CSMD1: variants seen among roughly 807,000 people sequenced by gnomAD.
CSMD1 encodes the protein CUB and Sushi multiple domains 1.
In CSMD1, 213 loss-of-function variants were observed where a neutral mutation model predicts 417.5. That is an observed-to-expected ratio of 0.51 (90% confidence interval 0.46 to 0.57). The LOEUF (loss-of-function observed/expected upper bound fraction) is 0.57. Among genes scored for constraint, CSMD1 ranks in the 20% least tolerant of loss-of-function variants. The pLI, the probability that CSMD1 is intolerant of heterozygous loss-of-function variation, is 0.00. For synonymous variants in CSMD1, 2,862 were observed against 1,736.8 expected (o/e 1.65, Z -16.11); for missense variants, 6,923 against 4,529.7 (o/e 1.53, Z -15.17).
At chr8:4,327,626 A>G (rs1490446416) in intron 3 of CSMD1, among the ~76,000 whole-genome samples, 1 of 152,200 alleles carries the variant, frequency 6.6e-6, no homozygotes, top group African/African-American at 2.4e-5. Context: ...AAAGCCCCCA[A>G]AAACAACAAC....
At chr8:3,187,552 T>G (rs73183572) in intron 36 of CSMD1, among the ~76,000 whole-genome samples, 1 of 152,016 alleles carries the variant, frequency 6.6e-6, no homozygotes, top group Non-Finnish European at 1.5e-5. Context: ...TGAGAACCGT[T>G]TCCTAACCTC....
chr8:2,979,017 T>A (rs1805179764), intron 54 of CSMD1, among the ~76,000 whole-genome samples: 1 of 152,240 alleles, frequency 6.6e-6, no homozygotes, highest in African/African-American at 2.4e-5. Context: ...GATAGCAATT[T>A]TCACGTGAGG....
At chr8:4,853,558 G>A (rs532571156) in intron 1 of CSMD1, among the ~76,000 whole-genome samples, 5 of 152,356 alleles carry the variant, frequency 3.3e-5, no homozygotes, top group Admixed American at 2.6e-4. Context: ...TCAGGCAGAA[G>A]GCTGCCACAA....
intron 1 of CSMD1, among the ~76,000 whole-genome samples, chr8:4,806,925 G>T (rs1798622853): frequency 6.6e-6 from 1 of 152,116 alleles, no homozygotes; most frequent in East Asian, 1.9e-4. Context: ...ATGCATGCCT[G>T]CGCTCTTAAG....
intron 2 of CSMD1, among the ~76,000 whole-genome samples, chr8:4,464,149 T>C (rs778719731): frequency 5.5e-4 from 59 of 106,680 alleles, no homozygotes; most frequent in Admixed American, 9.3e-4. Flanking sequence ...TCCCTCCAGC[T>C]GGAATTCTAC....
At chr8:4,136,400 C>A (rs974743467) in intron 3 of CSMD1, among the ~76,000 whole-genome samples, 27 of 152,160 alleles carry the variant, frequency 1.8e-4, no homozygotes, top group Non-Finnish European at 2.9e-5. Flanking sequence ...CTGGAGGGTC[C>A]CTTGAAATAA....
intron 5 of CSMD1, among the ~76,000 whole-genome samples, chr8:3,788,581 C>T (rs1426459887): frequency 1.3e-5 from 2 of 152,188 alleles, no homozygotes; most frequent in African/African-American, 4.8e-5. Flanking sequence ...TGCATTAAAT[C>T]TTACCAAAGG....
intron 20 of CSMD1, 71 bp downstream of exon 20, chr8:3,366,961 C>T (rs950464984): frequency 2.5e-6 from 3 of 1,183,052 alleles, no homozygotes; most frequent in Non-Finnish European, 3.7e-6. Context: ...CACACACCCA[C>T]ACACATTCTC....
At chr8:3,895,298 A>G (rs1807284648) in intron 5 of CSMD1, among the ~76,000 whole-genome samples, 1 of 152,146 alleles carries the variant, frequency 6.6e-6, no homozygotes, top group Admixed American at 6.5e-5. Flanking sequence ...TGTAAAGTAA[A>G]CCTATCTATG....
chr8:3,801,291 T>C (rs1283924882), intron 5 of CSMD1, among the ~76,000 whole-genome samples: 3 of 151,950 alleles, frequency 2.0e-5, no homozygotes, highest in Admixed American at 6.6e-5. Context: ...AATTAAAAAT[T>C]GGGAAAAAGA....
At chr8:3,695,308 G>A (rs1279872264) in intron 7 of CSMD1, among the ~76,000 whole-genome samples, 8 of 151,934 alleles carry the variant, frequency 5.3e-5, no homozygotes, top group Admixed American at 2.6e-4. Context: ...GCAAGCTAAT[G>A]CCCTTTACCA....
chr8:3,175,475 C>CCCTTTCCTT (rs1554451315), intron 37 of CSMD1, among the ~76,000 whole-genome samples: 3 of 132,470 alleles, frequency 2.3e-5, no homozygotes, highest in Admixed American at 7.8e-5. Flanking sequence ...TCCTTCTTTT[C>CCCTTTCCTT]CCTTCCTTCC....
chr8:4,760,007 G>T (rs561239419), intron 1 of CSMD1, among the ~76,000 whole-genome samples: 1 of 152,280 alleles, frequency 6.6e-6, no homozygotes, highest in South Asian at 2.1e-4. Flanking sequence ...CACAATGGTT[G>T]AACTAATTTA....
intron 2 of CSMD1, among the ~76,000 whole-genome samples, chr8:4,452,405 G>T (rs975943026): frequency 1.3e-5 from 2 of 152,198 alleles, no homozygotes; most frequent in Non-Finnish European, 2.9e-5. Context: ...GGGTTCAGAG[G>T]TTCATGTTCT....
rs1259393236 is a variant in CSMD1 at position 3,123,258 on chromosome 8, AGCAAG to A, written c.6242-4676_6242-4672del. 2.0e-5 allele frequency among the ~76,000 whole-genome samples: 3 copies of A among 152,166 alleles called. No individual in the cohort carries two copies. The East Asian group carries it at 5.8e-4, about 29-fold the overall frequency. On this transcript the variant is annotated intron_variant, in intron 41 of 69. Coordinates refer to ENST00000635120, the MANE Select transcript of CSMD1 (RefSeq NM_033225.6). ...CCCTGGGCCAACCTGTCAAATGCATAGCAAGGCCACCGCTGCCTCTGCCAGGGACC... is the reference window on the plus strand; with the variant it reads ...CCCTGGGCCAACCTGTCAAATGCATAGCCACCGCTGCCTCTGCCAGGGACC...
chr8:3,868,498 A>G (rs1265685929), intron 5 of CSMD1, among the ~76,000 whole-genome samples: 1 of 151,980 alleles, frequency 6.6e-6, no homozygotes, highest in Non-Finnish European at 1.5e-5. Context: ...AACAGACACA[A>G]AGAACACTTA....
intron 3 of CSMD1, among the ~76,000 whole-genome samples, chr8:4,152,735 T>C (rs1187114142): frequency 6.6e-6 from 1 of 151,658 alleles, no homozygotes; most frequent in Non-Finnish European, 1.5e-5. Flanking sequence ...ACACAATAGA[T>C]ATATACGTCC....
At chr8:4,044,111 T>G (rs1167212820) in intron 3 of CSMD1, among the ~76,000 whole-genome samples, 1 of 152,182 alleles carries the variant, frequency 6.6e-6, no homozygotes, top group Non-Finnish European at 1.5e-5. Flanking sequence ...TTTGATATGA[T>G]ATTTTCTGGC....
At chr8:4,198,161 C>G (rs774279443) in intron 3 of CSMD1, among the ~76,000 whole-genome samples, 50 of 152,248 alleles carry the variant, frequency 3.3e-4, no homozygotes, top group Non-Finnish European at 6.3e-4. Context: ...TCAGCAGTCC[C>G]GAAGCATGAT....
Sources: allele counts gnomAD v4.1 joint callset (sites outside exome capture counted in the v4.1 genomes callset), GRCh38; gene constraint gnomAD v4.1.1; transcripts MANE v1.5; gene names NCBI Gene and HGNC (gene_info 2026-07-23, HGNC 2026-07-21).